RCHY1: variants seen among roughly 807,000 people sequenced by gnomAD.
RCHY1 encodes ring finger and CHY zinc finger domain containing 1, also known as RING finger and CHY zinc finger domain-containing protein 1.
RCHY1 carries 21 observed loss-of-function variants against 41.6 expected under a neutral mutation model. The observed-to-expected ratio is 0.51, with a 90% CI of 0.36 to 0.73. The LOEUF is 0.73. Ranked by LOEUF, RCHY1 falls within the 30% of genes least tolerant of loss-of-function variation. RCHY1 has a pLI of 0.00. For missense variants in RCHY1, 265 were observed against 325.3 expected (o/e 0.81, Z 1.43); for synonymous variants, 79 against 102.9 (o/e 0.77, Z 1.41).
intron 8 of RCHY1, among the ~76,000 whole-genome samples, chr4:75,487,530 TATATTCATA>T (rs1293480933): frequency 3.1e-5 from 4 of 128,646 alleles, no homozygotes; most frequent in Admixed American, 9.0e-5. Context: ...ATATTCATAA[TATATTCATA>T]ATATATATAT....
At chr4:75,490,784 C>A in intron 7 of RCHY1, 83 bp from the exon 8 acceptor site, 1 of 971,976 alleles carries the variant, frequency 1.0e-6, no homozygotes, top group South Asian at 1.8e-5. Context: ...AGGCTAACTG[C>A]CACATGAACC....
At chr4:75,492,600 A>C (rs918829790) in intron 4 of RCHY1, among the ~76,000 whole-genome samples, 2 of 152,072 alleles carry the variant, frequency 1.3e-5, no homozygotes, top group Admixed American at 6.6e-5. Flanking sequence ...AAGGGAAAGC[A>C]CTGTGCCATG....
intron 8 of RCHY1, 90 bp downstream of exon 8, chr4:75,490,491 A>AT (rs1407869900): frequency 2.3e-5 from 22 of 940,462 alleles, no homozygotes; most frequent in Middle Eastern, 2.2e-4. Flanking sequence ...CAGTATATAT[A>AT]TATTTTTTTT....
chr4:75,490,493 A>T lies in RCHY1; in HGVS notation c.657+88T>A, dbSNP rs527592788. 457 of 844,064 alleles carry T rather than the reference A, an allele frequency of 5.4e-4. 1 individual carries two copies. Among genetic ancestry groups the T allele is most frequent in the East Asian group, 2.3e-3 (80 of 34,862 alleles). The allele number at this position is 844,064 out of a possible 1,614,324, so 52.3% of individuals were successfully genotyped here. On this transcript the variant is annotated intron_variant, in intron 8 of 8. Transcript: ENST00000324439. ...ATCTGTGTCAAACCAGTATATATATATTTTTTTTTTGGCAAATTCAAGCAG... is the reference window on the plus strand; with the variant it reads ...ATCTGTGTCAAACCAGTATATATATTTTTTTTTTTTGGCAAATTCAAGCAG...
At chr4:75,491,490 T>C (rs1722743558) in intron 7 of RCHY1, 121 bp downstream of exon 7, 2 of 825,610 alleles carry the variant, frequency 2.4e-6, no homozygotes, top group East Asian at 5.3e-5. Context: ...CCCTACCCAT[T>C]TCAATATAAA....
chr4:75,493,684 C>T (rs1007251822), intron 4 of RCHY1, among the ~76,000 whole-genome samples: 21 of 151,684 alleles, frequency 1.4e-4, no homozygotes, highest in African/African-American at 4.8e-4. Context: ...ATAATTCCTA[C>T]ATCCAGATTT....
Position 75,487,667 on chromosome 4 carries a change from C to CATAT in RCHY1, c.657+2910_657+2913dup, listed in dbSNP as rs369006663. Among the ~76,000 whole-genome samples, 26 of 38,436 alleles carry CATAT rather than the reference C, an allele frequency of 6.8e-4. 2 individuals carry two copies. Among genetic ancestry groups the CATAT allele is most frequent in the Admixed American group, 1.4e-3 (4 of 2,824 alleles). 25.2% of individuals were successfully genotyped at this position (38,436 alleles called of 152,430 possible). ...CATATATATTCATAATATATATATT[C>CATAT]ATATATATTCATAATATATATATTC... On this transcript the variant is annotated intron_variant, in intron 8 of 8. Transcript: ENST00000324439.
intron 4 of RCHY1, among the ~76,000 whole-genome samples, chr4:75,493,062 C>A (rs1722894792): frequency 6.6e-6 from 1 of 151,958 alleles, no homozygotes; most frequent in South Asian, 2.1e-4. Flanking sequence ...ACTACACATG[C>A]TTTGGAAACC....
intron 8 of RCHY1, among the ~76,000 whole-genome samples, chr4:75,488,040 C>T (rs1213457419): frequency 1.3e-5 from 2 of 149,396 alleles, no homozygotes; most frequent in East Asian, 3.9e-4. Flanking sequence ...CTACAAAGGG[C>T]CCCTGCGGTA....
chr4:75,496,232 C>T (rs1723191826), intron 3 of RCHY1, among the ~76,000 whole-genome samples: 1 of 152,066 alleles, frequency 6.6e-6, no homozygotes, highest in African/African-American at 2.4e-5. Flanking sequence ...GGCAACAACA[C>T]AGAGTGATCT....
In RCHY1 at chr4:75,494,094, T is replaced by G; in HGVS notation, c.405+7A>C. 6.8e-7 allele frequency: 1 copy of G among 1,463,978 alleles called. No individual in the cohort carries two copies. Among genetic ancestry groups the G allele is most frequent in the South Asian group, 1.3e-5 (1 of 79,828 alleles). The allele number at this position is 1,463,978 out of a possible 1,614,324, so 90.7% of individuals were successfully genotyped here. A position where few individuals can be genotyped will look rare whatever the true frequency, so the allele number is the denominator to read the frequency against. ...ATTTTTAAAATTATACAAACTAAAT[T>G]ATATACCTTGTGTCTTCCTTGAAGA... On this transcript the variant is annotated splice_region_variant and intron_variant, in intron 4 of 8. Coordinates refer to ENST00000324439, the MANE Select transcript of RCHY1 (RefSeq NM_015436.4).
intron 1 of RCHY1, among the ~76,000 whole-genome samples, chr4:75,513,492 T>C (rs1483558496): frequency 6.6e-6 from 1 of 152,128 alleles, no homozygotes; most frequent in Non-Finnish European, 1.5e-5. Context: ...AGAGGAGAGC[T>C]AAGATTTGGG....
intron 4 of RCHY1, among the ~76,000 whole-genome samples, chr4:75,493,628 T>C (rs897254569): frequency 6.6e-6 from 1 of 151,872 alleles, no homozygotes; most frequent in African/African-American, 2.4e-5. Context: ...TGTAATACTT[T>C]ATTAGATTTT....
intron 4 of RCHY1, among the ~76,000 whole-genome samples, chr4:75,493,744 A>T (rs1363885615): frequency 1.3e-5 from 2 of 151,796 alleles, no homozygotes; most frequent in African/African-American, 4.8e-5. Context: ...TATTTTCTGA[A>T]TTTTCTTAGA....
At chr4:75,496,963 A>G (rs1002232834) in intron 3 of RCHY1, among the ~76,000 whole-genome samples, 16 of 152,150 alleles carry the variant, frequency 1.1e-4, no homozygotes, top group African/African-American at 3.9e-4. Context: ...ATAACTGTAT[A>G]CCATTACATT....
In RCHY1 at chr4:75,514,268, C is replaced by G. The variant is rs1407585618; in HGVS notation, c.19G>C (p.Glu7Gln). MAATAR[E>Q]DGASGQERGQ... is the part of the protein sequence containing the mutation. Reference sequence around the variant, plus strand: ...CGCTCTTGACCGCTGGCGCCATCTTCCCGGGCCGTCGCCGCCATCTCCTCC... The same window carrying G: ...CGCTCTTGACCGCTGGCGCCATCTTGCCGGGCCGTCGCCGCCATCTCCTCC... Residue 7 changes from glutamate to glutamine, a missense_variant, in exon 1 of 9, where the codon GAA (glutamate) becomes CAA (glutamine). Glu to Gln is a conservative substitution (Grantham distance 29). Transcript: ENST00000324439. 4.3e-6 allele frequency: 7 copies of G among 1,612,630 alleles called. No individual in the cohort carries two copies. Among genetic ancestry groups the G allele is most frequent in the Non-Finnish European group, 5.1e-6 (6 of 1,178,856 alleles).
intron 1 of RCHY1, among the ~76,000 whole-genome samples, chr4:75,512,353 G>GA (rs1460789351): frequency 1.3e-5 from 2 of 152,142 alleles, no homozygotes; most frequent in Non-Finnish European, 2.9e-5. Context: ...TGACAGGCCT[G>GA]AAAAGAACAT....
chr4:75,491,655 ATTAT>A lies in RCHY1; in HGVS notation c.510-22_510-19del, dbSNP rs745766622. The A allele has an allele frequency of 6.3e-7, 1 of 1,598,142 alleles. No homozygotes were observed. Among genetic ancestry groups the A allele is most frequent in the Non-Finnish European group, 8.6e-7 (1 of 1,166,676 alleles). ...AACACGTTCTGAAAGAAAATATAAGATTATTTTAGTAAAACAAAAACTGTCTCCA... is the reference window on the plus strand; with the variant it reads ...AACACGTTCTGAAAGAAAATATAAGATTTAGTAAAACAAAAACTGTCTCCA... On this transcript the variant is annotated intron_variant, in intron 6 of 8. Coordinates refer to ENST00000324439, the MANE Select transcript of RCHY1 (RefSeq NM_015436.4).
At chr4:75,502,297 T>C (rs1409781428) in intron 3 of RCHY1, among the ~76,000 whole-genome samples, 1 of 152,090 alleles carries the variant, frequency 6.6e-6, no homozygotes, top group African/African-American at 2.4e-5. Context: ...TCCCAGCACT[T>C]TGGGAGGCCA....
Sources: allele counts gnomAD v4.1 joint callset (sites outside exome capture counted in the v4.1 genomes callset), GRCh38; gene constraint gnomAD v4.1.1; transcripts MANE v1.5; gene names NCBI Gene and HGNC (gene_info 2026-07-23, HGNC 2026-07-21).